Variants in PKNOX2 observed in about 807,000 individuals in gnomAD.
The protein encoded by PKNOX2 is homeobox protein PKNOX2.
PKNOX2 carries 14 observed loss-of-function variants against 53.1 expected under a neutral mutation model. The observed-to-expected ratio is 0.26, with a 90% CI of 0.17 to 0.41. The LOEUF (loss-of-function observed/expected upper bound fraction) is 0.41, where lower values mean the gene tolerates loss of function less well. Ranked by LOEUF, PKNOX2 falls within the 10% of genes least tolerant of loss-of-function variation. The pLI is 1.00. For synonymous variants in PKNOX2, 257 were observed against 242.8 expected, an observed-to-expected ratio of 1.06 and a Z score of -0.54; for missense variants, 496 against 602.8, an observed-to-expected ratio of 0.82 and a Z score of 1.85.
intron 4 of PKNOX2, among the ~76,000 whole-genome samples, chr11:125,359,390 C>CT (rs1324420402): frequency 2.0e-5 from 3 of 152,100 alleles, no homozygotes; most frequent in Non-Finnish European, 4.4e-5. Flanking sequence ...TCTTCTCTTT[C>CT]TTTTTTGTTT....
chr11:125,412,036 G>A (rs1004982777), intron 10 of PKNOX2, among the ~76,000 whole-genome samples, 171 bp downstream of exon 10: 2 of 152,196 alleles, frequency 1.3e-5, no homozygotes, highest in African/African-American at 4.8e-5. Flanking sequence ...GGGCTCAGGT[G>A]GGGCCTAAAG....
chr11:125,170,549 AAGCAG>A (rs1955216802), intron 1 of PKNOX2, among the ~76,000 whole-genome samples: 1 of 152,338 alleles, frequency 6.6e-6, no homozygotes, highest in East Asian at 1.9e-4. Flanking sequence ...TCACGCGGTC[AAGCAG>A]AGCTTGAGAA....
At chr11:125,256,098 A>G (rs1378301776) in intron 2 of PKNOX2, among the ~76,000 whole-genome samples, 1 of 151,958 alleles carries the variant, frequency 6.6e-6, no homozygotes, top group Non-Finnish European at 1.5e-5. Flanking sequence ...GACGGTGGGG[A>G]TGGACTCCAG....
chr11:125,229,042 G>T (rs192093743), intron 1 of PKNOX2, among the ~76,000 whole-genome samples: 1 of 152,154 alleles, frequency 6.6e-6, no homozygotes, highest in African/African-American at 2.4e-5. Flanking sequence ...GCTCTTTCCC[G>T]ACTAGGAGTG....
intron 1 of PKNOX2, among the ~76,000 whole-genome samples, chr11:125,223,786 G>C (rs1322916155): frequency 2.0e-5 from 3 of 152,186 alleles, no homozygotes; most frequent in Admixed American, 2.0e-4. Context: ...CTATTGAATA[G>C]CTAAATCACA....
At chr11:125,274,590 G>T (rs1453750650) in intron 2 of PKNOX2, among the ~76,000 whole-genome samples, 1 of 152,248 alleles carries the variant, frequency 6.6e-6, no homozygotes, top group Non-Finnish European at 1.5e-5. Flanking sequence ...AAGGATGCGT[G>T]AACAAGGAAC....
At chr11:125,372,596 G>C (rs1414180855) in intron 5 of PKNOX2, among the ~76,000 whole-genome samples, 1 of 152,190 alleles carries the variant, frequency 6.6e-6, no homozygotes, top group Non-Finnish European at 1.5e-5. Flanking sequence ...TAAATGCCAA[G>C]GCAGTCTGTC....
chr11:125,307,080 T>C (rs1387130746), intron 2 of PKNOX2, among the ~76,000 whole-genome samples: 1 of 152,216 alleles, frequency 6.6e-6, no homozygotes, highest in Non-Finnish European at 1.5e-5. Context: ...TTCGTTTCTG[T>C]GTCCCTTGAC....
intron 10 of PKNOX2, among the ~76,000 whole-genome samples, chr11:125,415,234 CTT>C (rs35920181): frequency 0.017 from 1,307 of 77,630 alleles, 9 homozygotes; most frequent in East Asian, 0.064. Context: ...TAAAGTTTAG[CTT>C]TTTTTTTTTT....
intron 1 of PKNOX2, among the ~76,000 whole-genome samples, chr11:125,189,259 A>G (rs879659935): frequency 2.0e-5 from 3 of 150,226 alleles, no homozygotes; most frequent in South Asian, 2.1e-4. Flanking sequence ...TTCAGCCCAC[A>G]TTGGAGTTAT....
At chr11:125,232,561 C>T (rs1044072419) in intron 1 of PKNOX2, among the ~76,000 whole-genome samples, 3 of 152,228 alleles carry the variant, frequency 2.0e-5, no homozygotes, top group African/African-American at 7.2e-5. Context: ...CTTTGAACTA[C>T]TAGACTTCTA....
chr11:125,374,056 G>A (rs1397482989), intron 5 of PKNOX2, among the ~76,000 whole-genome samples: 1 of 152,144 alleles, frequency 6.6e-6, no homozygotes, highest in Non-Finnish European at 1.5e-5. Context: ...CAGCCGCCTG[G>A]TCAGGACCCT....
chr11:125,180,104 G>T (rs1191644216), intron 1 of PKNOX2, among the ~76,000 whole-genome samples: 1 of 152,096 alleles, frequency 6.6e-6, no homozygotes, highest in African/African-American at 2.4e-5. Flanking sequence ...CGCGTGTACT[G>T]GTCCTTCTGC....
intron 1 of PKNOX2, among the ~76,000 whole-genome samples, chr11:125,196,349 T>G (rs565618243): frequency 6.6e-6 from 1 of 152,322 alleles, no homozygotes; most frequent in South Asian, 2.1e-4. Flanking sequence ...TAGGGCTCCC[T>G]GAGGCGTATA....
chr11:125,252,029 C>A lies in PKNOX2; in HGVS notation c.-130+16914C>A, dbSNP rs1944041196. 2.6e-5 allele frequency among the ~76,000 whole-genome samples: 4 copies of A among 152,256 alleles called. No individual in the cohort carries two copies. In the South Asian group the frequency reaches 8.3e-4, roughly 32 times the overall value. On this transcript the variant is annotated intron_variant, in intron 2 of 12. Coordinates refer to ENST00000298282, the MANE Select transcript of PKNOX2 (RefSeq NM_001382323.2). ...ATAGAACGGTAGCAAAGAGAGACAG[C>A]TGACAAGTAAGCAGGCACCTCTAGC...
intron 2 of PKNOX2, among the ~76,000 whole-genome samples, chr11:125,307,299 C>T (rs1233264780): frequency 1.3e-5 from 2 of 152,180 alleles, no homozygotes; most frequent in African/African-American, 4.8e-5. Flanking sequence ...TAAAGGGAGC[C>T]TGGGTGCGGT....
intron 1 of PKNOX2, among the ~76,000 whole-genome samples, chr11:125,233,625 C>CA (rs1459284682): frequency 6.6e-6 from 1 of 152,204 alleles, no homozygotes; most frequent in Non-Finnish European, 1.5e-5. Context: ...GAGGCACCTC[C>CA]ATGAGCTATG....
At chr11:125,187,659 T>A (rs1956537997) in intron 1 of PKNOX2, among the ~76,000 whole-genome samples, 1 of 150,638 alleles carries the variant, frequency 6.6e-6, no homozygotes, top group Admixed American at 6.6e-5. Flanking sequence ...GGATGCCTTT[T>A]ATTTCTTTTT....
chr11:125,347,501 A>T (rs765144520), intron 3 of PKNOX2, among the ~76,000 whole-genome samples: 3 of 152,098 alleles, frequency 2.0e-5, no homozygotes, highest in Non-Finnish European at 4.4e-5. Context: ...GTTTGTCAGC[A>T]CACTGGATTT....
Sources: allele counts gnomAD v4.1 joint callset (sites outside exome capture counted in the v4.1 genomes callset), GRCh38; gene constraint gnomAD v4.1.1; transcripts MANE v1.5; gene names NCBI Gene and HGNC (gene_info 2026-07-23, HGNC 2026-07-21).